DPP10: variants seen among roughly 807,000 people sequenced by gnomAD.
The protein encoded by DPP10 is inactive dipeptidyl peptidase 10.
A neutral mutation model predicts 120.9 loss-of-function variants in DPP10; 33 were observed. The ratio of observed to expected loss-of-function variants is 0.27; its 90% CI spans 0.21 to 0.37. The LOEUF (loss-of-function observed/expected upper bound fraction) is 0.37, where lower values mean the gene tolerates loss of function less well. Ranked by LOEUF, DPP10 falls within the 10% of genes least tolerant of loss-of-function variation. The probability of loss-of-function intolerance (pLI) is 1.00; values close to 1 mark genes in which losing one functional copy is unlikely to be tolerated. For synonymous variants in DPP10, 337 were observed against 326.1 expected (o/e 1.03, Z -0.36); for missense variants, 816 against 942.8 (o/e 0.87, Z 1.76).
intron 1 of DPP10, among the ~76,000 whole-genome samples, chr2:114,894,825 A>C (rs1040591830): frequency 3.3e-5 from 5 of 152,148 alleles, no homozygotes; most frequent in Admixed American, 1.3e-4. Flanking sequence ...CCTCTGTAAA[A>C]CTGTAAAAAT....
At chr2:115,821,351 TTATCTC>T (rs1432431825) in intron 21 of DPP10, among the ~76,000 whole-genome samples, 1 of 152,112 alleles carries the variant, frequency 6.6e-6, no homozygotes, top group African/African-American at 2.4e-5. Flanking sequence ...TTGGCCAAGT[TTATCTC>T]TATTAATTTT....
At chr2:115,103,902 A>T (rs567714256) in intron 1 of DPP10, among the ~76,000 whole-genome samples, 1 of 152,092 alleles carries the variant, frequency 6.6e-6, no homozygotes, top group East Asian at 1.9e-4. Flanking sequence ...TGGATTTCAT[A>T]TTTTTTCAGA....
chr2:115,241,304 A>G (rs901796580), intron 1 of DPP10, among the ~76,000 whole-genome samples: 12 of 151,434 alleles, frequency 7.9e-5, no homozygotes, highest in African/African-American at 2.7e-4. Flanking sequence ...AGTGTTTCTA[A>G]TATCTCTCAG....
chr2:114,919,359 A>G (rs536296364), intron 1 of DPP10, among the ~76,000 whole-genome samples: 27 of 152,136 alleles, frequency 1.8e-4, no homozygotes, highest in Middle Eastern at 3.4e-3. Flanking sequence ...GACAGAGCTC[A>G]GTGACTACTC....
chr2:114,709,555 G>A (rs1289195723), intron 1 of DPP10, among the ~76,000 whole-genome samples: 2 of 152,130 alleles, frequency 1.3e-5, no homozygotes, highest in Non-Finnish European at 2.9e-5. Flanking sequence ...TTACTTAATT[G>A]CATGGTGTTT....
At chr2:115,177,954 G>A (rs762284206) in intron 1 of DPP10, among the ~76,000 whole-genome samples, 4 of 151,986 alleles carry the variant, frequency 2.6e-5, no homozygotes, top group Admixed American at 6.6e-5. Flanking sequence ...TAGTAGAGAC[G>A]GGGATTCACT....
intron 1 of DPP10, among the ~76,000 whole-genome samples, chr2:114,766,407 A>G (rs1420116728): frequency 3.3e-5 from 5 of 152,190 alleles, no homozygotes; most frequent in Non-Finnish European, 7.4e-5. Context: ...TAAATATGCA[A>G]TTACTATTTG....
intron 3 of DPP10, among the ~76,000 whole-genome samples, chr2:115,479,923 G>A (rs984186162): frequency 1.3e-5 from 2 of 152,126 alleles, no homozygotes; most frequent in Non-Finnish European, 2.9e-5. Context: ...GGGGAGACAT[G>A]AATGCGTCCA....
At chr2:115,299,134 G>A (rs2061014205) in intron 1 of DPP10, among the ~76,000 whole-genome samples, 1 of 151,968 alleles carries the variant, frequency 6.6e-6, no homozygotes, top group Non-Finnish European at 1.5e-5. Flanking sequence ...CTATTTAGAG[G>A]TCAATTTCAG....
chr2:114,927,111 A>T (rs1366906990), intron 1 of DPP10, among the ~76,000 whole-genome samples: 2 of 151,980 alleles, frequency 1.3e-5, no homozygotes, highest in Non-Finnish European at 2.9e-5. Flanking sequence ...AGCCTCCAAA[A>T]GTGCTGGGAT....
At chr2:115,768,463 A>C in intron 13 of DPP10, 59 bp downstream of exon 13, 1 of 1,479,860 alleles carries the variant, frequency 6.8e-7, no homozygotes, top group Non-Finnish European at 9.3e-7. Context: ...CCGAAGGCCC[A>C]GTTCTTGTGG....
chr2:115,638,152 T>C (rs2086504376), intron 5 of DPP10, among the ~76,000 whole-genome samples: 1 of 152,206 alleles, frequency 6.6e-6, no homozygotes, highest in Admixed American at 6.5e-5. Context: ...TGCCTTCTGA[T>C]TCTGTGGGAA....
At chr2:115,699,722 A>G (rs988292921) in intron 7 of DPP10, among the ~76,000 whole-genome samples, 1 of 152,238 alleles carries the variant, frequency 6.6e-6, no homozygotes, top group Non-Finnish European at 1.5e-5. Context: ...AAATCTATAC[A>G]TGCTACAAAA....
rs1056549364 is a variant in DPP10 at position 115,541,538 on chromosome 2, G to A, written c.441+15566G>A. ...ATTTTTAAAATTTAACCTTTTATGCGTTATTAGTTTTGTGGATGAGATAAT... is the reference window on the plus strand; with the variant it reads ...ATTTTTAAAATTTAACCTTTTATGCATTATTAGTTTTGTGGATGAGATAAT... On this transcript the variant is annotated intron_variant, in intron 5 of 25. Transcript: ENST00000410059. Among the ~76,000 whole-genome samples the A allele has an allele frequency of 1.1e-4, 16 of 151,800 alleles. 1 individual carries two copies. The highest frequency in any genetic ancestry group is 6.6e-4 in the Admixed American group (10 of 15,170).
intron 1 of DPP10, among the ~76,000 whole-genome samples, chr2:115,084,615 C>T (rs768723193): frequency 2.0e-5 from 3 of 152,158 alleles, no homozygotes; most frequent in Non-Finnish European, 4.4e-5. Flanking sequence ...ATGGTGCTAG[C>T]TCAGATTTAT....
intron 1 of DPP10, among the ~76,000 whole-genome samples, chr2:115,149,550 G>A (rs1335182543): frequency 1.3e-5 from 2 of 152,132 alleles, no homozygotes; most frequent in African/African-American, 4.8e-5. Context: ...GGCTTTTCAA[G>A]GTTAACTTTT....
chr2:114,765,386 G>A (rs148933100), intron 1 of DPP10, among the ~76,000 whole-genome samples: 3 of 152,208 alleles, frequency 2.0e-5, no homozygotes, highest in Non-Finnish European at 2.9e-5. Flanking sequence ...GTTATGAATT[G>A]CATCATTTAC....
chr2:115,549,010 T>C (rs2079699409), intron 5 of DPP10, among the ~76,000 whole-genome samples: 2 of 152,270 alleles, frequency 1.3e-5, no homozygotes, highest in South Asian at 4.1e-4. Context: ...TACCCAATTT[T>C]GTTTTGATAT....
intron 1 of DPP10, among the ~76,000 whole-genome samples, chr2:114,519,129 C>T (rs539374385): frequency 1.2e-4 from 18 of 152,176 alleles, no homozygotes; most frequent in South Asian, 2.1e-4. Context: ...GTTTCCTTAG[C>T]GAAAAGGAAA....
Sources: gnomAD v4.1 joint callset for allele counts (sites outside exome capture counted in the v4.1 genomes callset) on GRCh38, gnomAD v4.1.1 for gene constraint, MANE v1.5 for transcripts, NCBI Gene and HGNC (gene_info 2026-07-23, HGNC 2026-07-21) for gene names.